LRRC74B: variants seen among roughly 807,000 people sequenced by gnomAD.
LRRC74B encodes leucine-rich repeat-containing protein 74B.
A neutral mutation model predicts 16.6 loss-of-function variants in LRRC74B; 30 were observed. The ratio of observed to expected loss-of-function variants is 1.80; its 90% CI spans 1.35 to 2.45. The LOEUF is 2.45. LRRC74B is among the 30% of genes most tolerant of loss of function. LRRC74B has a pLI of 0.00. For synonymous variants in LRRC74B, 134 were observed against 86.0 expected (o/e 1.56, Z -3.09); for missense variants, 326 against 202.4 (o/e 1.61, Z -3.71).
At chr22:21,048,576 G>A (rs1929687644) in intron 3 of LRRC74B, 2 of 311,716 alleles carry the variant, frequency 6.4e-6, no homozygotes, top group African/African-American at 4.3e-5. Context: ...CCATGTACGT[G>A]CTCCATGCAT....
chr22:21,053,059 G>A (rs550942066), intron 5 of LRRC74B, among the ~76,000 whole-genome samples: 10 of 152,290 alleles, frequency 6.6e-5, no homozygotes, highest in Non-Finnish European at 1.3e-4. Flanking sequence ...TCCGATCAAT[G>A]TTTCTGGGGC....
chr22:21,052,539 G>A (rs766650276), intron 5 of LRRC74B, among the ~76,000 whole-genome samples, 181 bp downstream of exon 5: 22 of 152,192 alleles, frequency 1.4e-4, no homozygotes, highest in Non-Finnish European at 2.9e-4. Flanking sequence ...ACAATACACT[G>A]TGCTCACCGT....
At chr22:21,052,446 GAA>G in intron 5 of LRRC74B, 88 bp downstream of exon 5, 1 of 694,990 alleles carries the variant, frequency 1.4e-6, no homozygotes, top group Non-Finnish European at 2.7e-6. Context: ...CAGCTCCTCG[GAA>G]ATGAACCTTG....
At chr22:21,053,473 G>A in exon 6 of LRRC74B, 1 of 716,852 alleles carries the variant, frequency 1.4e-6, no homozygotes, top group Non-Finnish European at 2.6e-6. Flanking sequence ...AACTCAACAT[G>A]AGGTGAGGAT....
chr22:21,047,764 G>A (rs1228459975), intron 2 of LRRC74B, 120 bp from the exon 3 acceptor site: 2 of 647,508 alleles, frequency 3.1e-6, no homozygotes, highest in Non-Finnish European at 5.6e-6. Flanking sequence ...AAAAGGAGAA[G>A]CAGGTGTCAC....
intron 6 of LRRC74B, among the ~76,000 whole-genome samples, chr22:21,054,384 G>A (rs1930312754): frequency 6.6e-6 from 1 of 152,236 alleles, no homozygotes. Context: ...AGCATGCCCT[G>A]TGTGAGGGGC....
intron 8 of LRRC74B, among the ~76,000 whole-genome samples, chr22:21,057,887 A>AT (rs4051931): frequency 0.019 from 2,357 of 122,056 alleles, 38 homozygotes; most frequent in East Asian, 0.07. Context: ...GTCAATTTTG[A>AT]TTTTTTTTTT....
At chr22:21,047,736 G>A (rs1388258382) in intron 2 of LRRC74B, 148 bp from the exon 3 acceptor site, 4 of 623,914 alleles carry the variant, frequency 6.4e-6, no homozygotes, top group Admixed American at 5.0e-5. Flanking sequence ...GGGGTGGGGG[G>A]AGACCTTCAC....
chr22:21,056,900 G>T, intron 7 of LRRC74B: 1 of 575,622 alleles, frequency 1.7e-6, no homozygotes, highest in East Asian at 2.9e-5. Flanking sequence ...ATATCAATCG[G>T]AGGCCTCTCC....
Position 21,053,342 on chromosome 22 carries a change from C to T in LRRC74B, c.733-18C>T, listed in dbSNP as rs1352472017. 1 of 715,510 alleles carries T rather than the reference C, an allele frequency of 1.4e-6. No individual in the cohort carries two copies. The highest frequency in any genetic ancestry group is 2.6e-6 in the Non-Finnish European group (1 of 384,072). The allele number at this position is 715,510 out of a possible 1,614,324, so 44.3% of individuals were successfully genotyped here. On this transcript the variant is annotated intron_variant, in intron 5 of 8. Transcript: ENST00000442047. ...ACTGTCAGATGGGGTCCCATGACTTCACTCTTTGGTATTCTAGGCAAACAT... is the reference window on the plus strand; with the variant it reads ...ACTGTCAGATGGGGTCCCATGACTTTACTCTTTGGTATTCTAGGCAAACAT...
chr22:21,055,043 C>G, intron 6 of LRRC74B, 55 bp from the exon 7 acceptor site: 1 of 709,752 alleles, frequency 1.4e-6, no homozygotes, highest in Non-Finnish European at 2.6e-6. Context: ...GCAGTGGGCT[C>G]TGCACCGCTG....
chr22:21,047,534 G>T (rs1336674377), intron 2 of LRRC74B, 36 bp downstream of exon 2: 1 of 714,618 alleles, frequency 1.4e-6, no homozygotes, highest in African/African-American at 1.7e-5. Flanking sequence ...AGGCTTACGG[G>T]GAGAGGCCTC....
intron 7 of LRRC74B, 121 bp from the exon 8 acceptor site, chr22:21,056,984 C>T: frequency 1.6e-6 from 1 of 629,208 alleles, no homozygotes; most frequent in Non-Finnish European, 2.9e-6. Context: ...ACCTTCTGAG[C>T]CGAAACAGTG....
chr22:21,056,603 C>T (rs931681188), intron 7 of LRRC74B: 2,545 of 112,746 alleles, frequency 0.023, 63 homozygotes, highest in African/African-American at 0.068. Flanking sequence ...GGAGCACACA[C>T]ACACACACAC....
chr22:21,058,098 A>C (rs1424551179), intron 8 of LRRC74B, among the ~76,000 whole-genome samples: 4 of 144,964 alleles, frequency 2.8e-5, no homozygotes, highest in Non-Finnish European at 4.5e-5. Context: ...ATGGGGTTTC[A>C]CCAGGTTGGC....
chr22:21,060,245 A>C (rs1930745560), intron 8 of LRRC74B, 128 bp from the exon 9 acceptor site: 1 of 604,090 alleles, frequency 1.7e-6, no homozygotes, highest in East Asian at 2.8e-5. Context: ...GTTTGCGGGT[A>C]TGAGACTGTC....
intron 8 of LRRC74B, 105 bp from the exon 9 acceptor site, chr22:21,060,268 G>A: frequency 1.6e-6 from 1 of 620,482 alleles, no homozygotes; most frequent in South Asian, 2.0e-5. Flanking sequence ...CCACAGGGGA[G>A]AAGCTGCCCG....
chr22:21,063,031 G>GA (rs55967436), downstream of LRRC74B: 42,932 of 126,364 alleles, frequency 0.34, 7,426 homozygotes, highest in East Asian at 0.63. Flanking sequence ...AACCTGTCTC[G>GA]AAAAAAAAAA....
chr22:21,060,153 A>G (rs948105251), intron 8 of LRRC74B, among the ~76,000 whole-genome samples: 3 of 152,142 alleles, frequency 2.0e-5, no homozygotes, highest in Non-Finnish European at 4.4e-5. Context: ...CTGGTGACAC[A>G]GTACGATCCC....
Sources: allele counts gnomAD v4.1 joint callset (sites outside exome capture counted in the v4.1 genomes callset), GRCh38; gene constraint gnomAD v4.1.1; transcripts MANE v1.5; gene names NCBI Gene and HGNC (gene_info 2026-07-23, HGNC 2026-07-21).